SHPRH: variants seen among roughly 807,000 people sequenced by gnomAD.
SHPRH encodes E3 ubiquitin-protein ligase SHPRH.
Under a neutral mutation model 202.5 loss-of-function variants are expected in SHPRH, and 106 were observed. That is an observed-to-expected ratio of 0.52 (90% CI 0.45 to 0.62). The LOEUF (loss-of-function observed/expected upper bound fraction) is 0.62. Ranked by LOEUF, SHPRH falls within the 20% of genes least tolerant of loss-of-function variation. The probability of loss-of-function intolerance (pLI) is 0.00; values close to 1 mark genes in which losing one functional copy is unlikely to be tolerated. For synonymous variants in SHPRH, 729 were observed against 686.0 expected, an observed-to-expected ratio of 1.06 and a Z score of -0.98; for missense variants, 1,710 against 2,020.0, an observed-to-expected ratio of 0.85 and a Z score of 2.94.
intron 18 of SHPRH, among the ~76,000 whole-genome samples, chr6:145,923,044 T>C (rs1784561038): frequency 6.6e-6 from 1 of 151,152 alleles, no homozygotes; most frequent in Non-Finnish European, 1.5e-5. Flanking sequence ...ACCAAAAAAA[T>C]TTGATAGTCC....
At chr6:145,894,632 T>A (rs902855508) in intron 26 of SHPRH, among the ~76,000 whole-genome samples, 11 of 152,018 alleles carry the variant, frequency 7.2e-5, no homozygotes, top group Non-Finnish European at 1.5e-4. Flanking sequence ...ATTCCAATTT[T>A]AAAAATATTA....
In SHPRH at chr6:145,894,121, A is replaced by G. The variant is rs1019882638; in HGVS notation, c.4695+29T>C. ...GTTTAAATTTGCAACTGTATCCACTACAAAAACCGGAGTAAAATCTTAACA... is the reference window on the plus strand; with the variant it reads ...GTTTAAATTTGCAACTGTATCCACTGCAAAAACCGGAGTAAAATCTTAACA... On this transcript the variant is annotated intron_variant, in intron 27 of 29. Transcript: ENST00000275233. 8 of 1,557,284 alleles carry G rather than the reference A, an allele frequency of 5.1e-6. No individual in the cohort carries two copies. The African/African-American group carries it at 9.7e-5, about 19-fold the overall frequency.
chr6:145,955,223 T>C lies in SHPRH; in HGVS notation c.100A>G (p.Ile34Val), dbSNP rs753997965. 3.7e-6 allele frequency: 6 copies of C among 1,613,568 alleles called. No individual in the cohort carries two copies. The South Asian group carries it at 5.5e-5, about 15-fold the overall frequency. The change falls in exon 2 of 30, where the codon ATC becomes GTC. Residue 34 changes from isoleucine to valine, a missense_variant. By Grantham distance (29) the Ile-to-Val change is conservative. Transcript: ENST00000275233. ...NMHEDRRNEP[I>V]IISDDDEQPC... is the part of the protein sequence containing the mutation. ...TGCTCGTCATCATCACTTATGATGATAGGTTCATTCCTTCTGTCCTCATGC... is the reference window on the plus strand; with the variant it reads ...TGCTCGTCATCATCACTTATGATGACAGGTTCATTCCTTCTGTCCTCATGC...
At chr6:145,930,018 C>A (rs1287872752) in intron 14 of SHPRH, among the ~76,000 whole-genome samples, 1 of 152,050 alleles carries the variant, frequency 6.6e-6, no homozygotes, top group African/African-American at 2.4e-5. Context: ...CACTGAAGTT[C>A]GGAAATCTTG....
At position 145,955,267 on chromosome 6, in the gene SHPRH, T is replaced by G; in HGVS notation, c.56A>C (p.Gln19Pro). The G allele has an allele frequency of 2.5e-6, 4 of 1,611,808 alleles. No individual in the cohort carries two copies. The highest frequency in any genetic ancestry group is 3.4e-6 in the Non-Finnish European group (4 of 1,179,800). ...PPVRVDEEKR[Q>P]QLHWNMHEDR... ...CTCATGCATATTCCAATGAAGCTGC[T>G]GCCTCTTTTCCTCATCTACCCTCAC... Residue 19 changes from glutamine to proline, a missense_variant, in exon 2 of 30, where the codon CAG becomes CCG. This residue lies in a region of SHPRH where 459 missense variants were observed against 426.5 expected (regional missense o/e 1.08). Coordinates refer to ENST00000275233, the MANE Select transcript of SHPRH (RefSeq NM_001042683.3).
intron 11 of SHPRH, among the ~76,000 whole-genome samples, chr6:145,938,366 T>C (rs1786348183): frequency 6.6e-6 from 1 of 152,184 alleles, no homozygotes; most frequent in African/African-American, 2.4e-5. Flanking sequence ...GCCTCTAGAA[T>C]TGCGAGTTAA....
chr6:145,951,935 A>C (rs1287328994), intron 3 of SHPRH: 1 of 455,432 alleles, frequency 2.2e-6, no homozygotes, highest in East Asian at 7.0e-5. Context: ...TTGCCAAGAA[A>C]CAGAGCAAAG....
intron 23 of SHPRH, among the ~76,000 whole-genome samples, chr6:145,914,567 C>G (rs1165368465): frequency 6.6e-6 from 1 of 151,994 alleles, no homozygotes; most frequent in Non-Finnish European, 1.5e-5. Flanking sequence ...ACTTTACTTA[C>G]GAAAAAAGGC....
intron 14 of SHPRH, among the ~76,000 whole-genome samples, chr6:145,929,958 GAAC>G (rs1307887688): frequency 6.6e-6 from 1 of 151,928 alleles, no homozygotes; most frequent in African/African-American, 2.4e-5. Flanking sequence ...TTTGTATTAA[GAAC>G]AATAGTTGAG....
intron 2 of SHPRH, among the ~76,000 whole-genome samples, chr6:145,868,433 A>G (rs1779901048): frequency 6.6e-6 from 1 of 152,220 alleles, no homozygotes; most frequent in African/African-American, 2.4e-5. Context: ...ACAGCTGATA[A>G]GTTGTGAAGC....
chr6:145,919,362 T>C lies in SHPRH; in HGVS notation c.4138A>G (p.Ile1380Val), dbSNP rs1258583645. 5 of 1,613,002 alleles carry C rather than the reference T, an allele frequency of 3.1e-6. No homozygotes were observed. The highest frequency in any genetic ancestry group is 3.3e-5 in the Admixed American group (2 of 59,928). ...TTGCCAATTACCTCATGTGGTTCAA[T>C]GATATGAAGAACAGGCGGATTAGGC... The part of the protein sequence containing the change: ...PKPNPPVLHI[I>V]EPHEVEQNRI... Residue 1380 changes from isoleucine to valine, a missense_variant, in exon 22 of 30, where the codon ATT (isoleucine) becomes GTT (valine). Physicochemically the swap from Ile to Val is conservative, Grantham distance 29. This residue lies in a region of SHPRH where 306 missense variants were observed against 479.5 expected (regional missense o/e 0.64). Coordinates refer to ENST00000275233, the MANE Select transcript of SHPRH (RefSeq NM_001042683.3).
chr6:145,939,241 G>T (rs890843649), intron 11 of SHPRH, among the ~76,000 whole-genome samples: 1 of 152,156 alleles, frequency 6.6e-6, no homozygotes, highest in Non-Finnish European at 1.5e-5. Flanking sequence ...CAAAATTCTA[G>T]AAAGTCTGGA....
chr6:145,923,794 A>G lies in SHPRH; in HGVS notation c.3403-9T>C. 6.2e-7 allele frequency: 1 copy of G among 1,606,984 alleles called. No individual in the cohort carries two copies. Among genetic ancestry groups the G allele is most frequent in the Non-Finnish European group, 8.5e-7 (1 of 1,176,266 alleles). ...GGAGAATTAGAATGAATCTGTAAAA[A>G]AGGTAGCAGTTAATCAATTAATACA... On this transcript the variant is annotated splice_polypyrimidine_tract_variant and intron_variant, in intron 17 of 29. Transcript: ENST00000275233.
downstream of SHPRH, chr6:145,881,503 T>G (rs188487674): frequency 6.6e-6 from 1 of 152,328 alleles, no homozygotes; most frequent in African/African-American, 2.4e-5. Flanking sequence ...ACTTGGAAAC[T>G]GATGGTCTAT....
At position 145,886,635 on chromosome 6, in the gene SHPRH, T is replaced by C; in HGVS notation, c.*56A>G. ...GTTTTTAAAACTTGTAACTTTGCTCTACAGCTATGAAAGTTTATTAATACA... is the reference window on the plus strand; with the variant it reads ...GTTTTTAAAACTTGTAACTTTGCTCCACAGCTATGAAAGTTTATTAATACA... On this transcript the variant is annotated 3_prime_UTR_variant, in exon 30 of 30. Transcript: ENST00000275233. 8 of 1,595,900 alleles carry C rather than the reference T, an allele frequency of 5.0e-6. No individual in the cohort carries two copies. Among genetic ancestry groups the C allele is most frequent in the Non-Finnish European group, 6.8e-6 (8 of 1,172,936 alleles).
chr6:145,963,654 C>G (rs1440154798), intron 1 of SHPRH, 77 bp downstream of exon 1: 1 of 152,224 alleles, frequency 6.6e-6, no homozygotes, highest in Non-Finnish European at 1.5e-5. Context: ...TTTACTAATA[C>G]AATGCCGCGC....
intron 22 of SHPRH, 95 bp downstream of exon 22, chr6:145,919,253 A>C: frequency 6.7e-7 from 1 of 1,497,374 alleles, no homozygotes; most frequent in Non-Finnish European, 9.1e-7. Context: ...CACTTACAGT[A>C]GAGCTCAGTG....
chr6:145,894,411 ATTTT>A (rs1206754899), intron 26 of SHPRH, among the ~76,000 whole-genome samples, 175 bp from the exon 27 acceptor site: 4 of 132,762 alleles, frequency 3.0e-5, no homozygotes, highest in Non-Finnish European at 6.4e-5. Context: ...TGAAATAGTA[ATTTT>A]GTTTGTTTTT....
chr6:145,934,193 C>T (rs562573768), intron 13 of SHPRH, among the ~76,000 whole-genome samples: 56 of 151,936 alleles, frequency 3.7e-4, no homozygotes, highest in African/African-American at 1.3e-3. Flanking sequence ...TAAAACAGGC[C>T]GGGCGTGGTG....
Sources: gnomAD v4.1 joint callset for allele counts (sites outside exome capture counted in the v4.1 genomes callset) on GRCh38, gnomAD v4.1.1 for gene constraint, gnomAD v4.1.1 regional missense constraint, MANE v1.5 for transcripts, NCBI Gene and HGNC (gene_info 2026-07-23, HGNC 2026-07-21) for gene names.